The following SGCD variants were observed in gnomAD, a reference collection of about 807,000 sequenced individuals.
SGCD encodes sarcoglycan delta, also known as delta-sarcoglycan.
A neutral mutation model predicts 36.6 loss-of-function variants in SGCD; 18 were observed. The observed-to-expected ratio is 0.49, with a 90% confidence interval of 0.34 to 0.73. The LOEUF is 0.73. Ranked by LOEUF, SGCD falls within the 30% of genes least tolerant of loss-of-function variation. SGCD has a pLI of 0.01. For synonymous variants in SGCD, 133 were observed against 130.6 expected, an observed-to-expected ratio of 1.02 and a Z score of -0.12; for missense variants, 387 against 346.7, an observed-to-expected ratio of 1.12 and a Z score of -0.92.
chr5:155,966,500 G>T (rs1276522275), intron 1 of SGCD, among the ~76,000 whole-genome samples: 1 of 152,134 alleles, frequency 6.6e-6, no homozygotes, highest in East Asian at 1.9e-4. Context: ...TTGTTTTCAT[G>T]ATGGCATTTG....
At chr5:155,758,869 C>A in the SGCD span, among the ~76,000 whole-genome samples, 2 of 152,172 alleles carry the variant, frequency 1.3e-5, no homozygotes, top group Non-Finnish European at 2.9e-5. Context: ...TAAGACAATT[C>A]TGGAAGGCTA....
intron 7 of SGCD, among the ~76,000 whole-genome samples, chr5:156,741,019 G>A (rs1009335660): frequency 1.3e-5 from 2 of 152,110 alleles, no homozygotes; most frequent in African/African-American, 4.8e-5. Flanking sequence ...CCTAGGTGTT[G>A]GTGTGAAACT....
intron 1 of SGCD, among the ~76,000 whole-genome samples, chr5:155,911,181 C>A (rs1756622192): frequency 6.6e-6 from 1 of 152,028 alleles, no homozygotes; most frequent in South Asian, 2.1e-4. Flanking sequence ...TGACCACCAT[C>A]TTCAAATATA....
At chr5:156,338,988 A>T (rs1768504572) in intron 2 of SGCD, among the ~76,000 whole-genome samples, 1 of 152,194 alleles carries the variant, frequency 6.6e-6, no homozygotes, top group Admixed American at 6.5e-5. Context: ...AGTTAGGAAC[A>T]TTTGCAGTCC....
intron 3 of SGCD, among the ~76,000 whole-genome samples, chr5:156,394,486 C>T (rs1272026029): frequency 6.6e-6 from 1 of 152,024 alleles, no homozygotes; most frequent in Admixed American, 6.6e-5. Flanking sequence ...TGATAGTGAC[C>T]ATTACTTATC....
At chr5:155,983,606 A>G (rs1758273286) in intron 1 of SGCD, among the ~76,000 whole-genome samples, 1 of 152,048 alleles carries the variant, frequency 6.6e-6, no homozygotes, top group Non-Finnish European at 1.5e-5. Context: ...AGCCTATGAT[A>G]CTCTCTTATG....
At chr5:156,413,515 C>T (rs1197380422) in intron 3 of SGCD, among the ~76,000 whole-genome samples, 13 of 152,176 alleles carry the variant, frequency 8.5e-5, no homozygotes, top group Non-Finnish European at 1.9e-4. Context: ...CGCACTCTGT[C>T]GCCCAGGCTG....
At chr5:156,318,839 G>A (rs936374592) in intron 3 of SGCD, among the ~76,000 whole-genome samples, 8 of 152,022 alleles carry the variant, frequency 5.3e-5, no homozygotes, top group Non-Finnish European at 1.2e-4. Flanking sequence ...CAGGTGATCC[G>A]CCTGCCTTGG....
intron 7 of SGCD, among the ~76,000 whole-genome samples, chr5:156,748,118 A>G (rs1224164386): frequency 6.6e-6 from 1 of 152,212 alleles, no homozygotes; most frequent in African/African-American, 2.4e-5. Context: ...CAAAAATCAT[A>G]AAAGAGTAAA....
At chr5:156,243,643 C>T (rs1229460978) in intron 3 of SGCD, among the ~76,000 whole-genome samples, 1 of 152,160 alleles carries the variant, frequency 6.6e-6, no homozygotes, top group Non-Finnish European at 1.5e-5. Context: ...ACATGTAACA[C>T]TCAAATATTG....
chr5:156,610,268 A>T (rs1761727416), intron 6 of SGCD, among the ~76,000 whole-genome samples: 1 of 152,010 alleles, frequency 6.6e-6, no homozygotes, highest in South Asian at 2.1e-4. Flanking sequence ...AACAGTCAGG[A>T]CCCTCAGCTG....
intron 1 of SGCD, among the ~76,000 whole-genome samples, chr5:156,046,162 A>G (rs1347574592): frequency 6.6e-6 from 1 of 152,108 alleles, no homozygotes; most frequent in Non-Finnish European, 1.5e-5. Flanking sequence ...TGGCCTCAGT[A>G]CATCATCTCA....
intron 3 of SGCD, among the ~76,000 whole-genome samples, chr5:156,487,560 C>T (rs1035975012): frequency 5.3e-5 from 8 of 152,000 alleles, no homozygotes; most frequent in African/African-American, 9.6e-5. Flanking sequence ...AAGGCTGAGG[C>T]GGGTGGATCA....
chr5:155,738,491 A>G, the SGCD span, among the ~76,000 whole-genome samples: 2 of 152,170 alleles, frequency 1.3e-5, no homozygotes, highest in Non-Finnish European at 2.9e-5. Context: ...CTGTTCATGT[A>G]TGCTTCCATT....
At chr5:156,629,814 T>A (rs1161938089) in intron 6 of SGCD, among the ~76,000 whole-genome samples, 1 of 152,044 alleles carries the variant, frequency 6.6e-6, no homozygotes. Flanking sequence ...TGGGTTCTAG[T>A]TTGCCAGTCC....
intron 4 of SGCD, among the ~76,000 whole-genome samples, chr5:156,570,246 G>A (rs989502017): frequency 2.6e-5 from 4 of 152,066 alleles, no homozygotes; most frequent in African/African-American, 9.7e-5. Flanking sequence ...TTGTGAACTA[G>A]GACATTATTT....
intron 7 of SGCD, among the ~76,000 whole-genome samples, chr5:156,682,885 T>C (rs950069279): frequency 3.9e-5 from 6 of 152,232 alleles, no homozygotes; most frequent in African/African-American, 1.4e-4. Context: ...AGTAGAATAA[T>C]GGGCATTAAG....
At chr5:156,576,117 C>T (rs1263901092) in intron 4 of SGCD, among the ~76,000 whole-genome samples, 4 of 151,764 alleles carry the variant, frequency 2.6e-5, no homozygotes, top group Admixed American at 6.6e-5. Context: ...ATGTTCCCCT[C>T]CCTGTGTCCA....
intron 1 of SGCD, among the ~76,000 whole-genome samples, chr5:155,875,645 T>TA (rs1755750188): frequency 7.3e-6 from 1 of 137,166 alleles, no homozygotes. Context: ...ATGGCTCCAC[T>TA]TTTTTTTTTT....
Sources: gnomAD v4.1 joint callset for allele counts (sites outside exome capture counted in the v4.1 genomes callset) on GRCh38, gnomAD v4.1.1 for gene constraint, MANE v1.5 for transcripts, NCBI Gene and HGNC (gene_info 2026-07-23, HGNC 2026-07-21) for gene names.